The following ST3GAL2 variants were observed in gnomAD, a reference collection of about 807,000 sequenced individuals.
ST3GAL2 encodes ST3 beta-galactoside alpha-2,3-sialyltransferase 2.
ST3GAL2 carries 16 observed loss-of-function variants against 37.5 expected under a neutral mutation model. That is an observed-to-expected ratio of 0.43 (90% confidence interval 0.29 to 0.65). The LOEUF is 0.65. ST3GAL2 is among the 30% of genes least tolerant of loss of function. ST3GAL2 has a pLI of 0.17. For synonymous variants in ST3GAL2, 238 were observed against 202.9 expected, an observed-to-expected ratio of 1.17 and a Z score of -1.47; for missense variants, 383 against 487.8, an observed-to-expected ratio of 0.79 and a Z score of 2.02.
intron 2 of ST3GAL2, among the ~76,000 whole-genome samples, chr16:70,396,548 G>C (rs944063355): frequency 1.3e-5 from 2 of 152,112 alleles, no homozygotes; most frequent in Non-Finnish European, 2.9e-5. Flanking sequence ...AGGATGCAGT[G>C]AGCCAAGACT....
rs2047403720 is a variant in ST3GAL2, at chr16:70,381,476, G to A, written c.*213C>T. 3.3e-6 allele frequency: 2 copies of A among 612,708 alleles called. No homozygotes were observed. Among genetic ancestry groups the A allele is most frequent in the East Asian group, 2.9e-5 (1 of 34,600 alleles). 38.0% of individuals were successfully genotyped at this position (612,708 alleles called of 1,614,324 possible). On this transcript the variant is annotated 3_prime_UTR_variant, in exon 7 of 7. Transcript: ENST00000342907. Reference sequence around the variant, plus strand: ...GGACACAGCGCCGGAAGTTTTCCTTGAGTCACATGATTGGCTGGGAGAAAC... The same window carrying A: ...GGACACAGCGCCGGAAGTTTTCCTTAAGTCACATGATTGGCTGGGAGAAAC...
intron 1 of ST3GAL2, among the ~76,000 whole-genome samples, chr16:70,408,502 G>T (rs1390387688): frequency 6.6e-6 from 1 of 151,910 alleles, no homozygotes; most frequent in African/African-American, 2.4e-5. Context: ...TCTGAGAATG[G>T]GCCGCTTCAC....
At chr16:70,387,431 T>C (rs2047450793) in intron 4 of ST3GAL2, among the ~76,000 whole-genome samples, 1 of 152,112 alleles carries the variant, frequency 6.6e-6, no homozygotes, top group South Asian at 2.1e-4. Context: ...GACATGTGCC[T>C]GTAATCCCAG....
chr16:70,438,699 G>A (rs905502118), intron 1 of ST3GAL2, among the ~76,000 whole-genome samples: 6 of 152,270 alleles, frequency 3.9e-5, no homozygotes, highest in Non-Finnish European at 7.4e-5. Context: ...CAAAGGAGCG[G>A]AGCGGGAGCC....
intron 2 of ST3GAL2, among the ~76,000 whole-genome samples, chr16:70,396,397 G>A (rs544750851): frequency 6.6e-6 from 1 of 152,060 alleles, no homozygotes; most frequent in East Asian, 1.9e-4. Context: ...CTGCTCAGGG[G>A]ATGGGAGATT....
chr16:70,395,510 A>T (rs1025602626), intron 2 of ST3GAL2, among the ~76,000 whole-genome samples: 1 of 152,190 alleles, frequency 6.6e-6, no homozygotes, highest in African/African-American at 2.4e-5. Flanking sequence ...GCCACGGAGC[A>T]GAGCAGCCTC....
At chr16:70,424,366 C>T (rs2047736278) in intron 1 of ST3GAL2, among the ~76,000 whole-genome samples, 1 of 150,462 alleles carries the variant, frequency 6.6e-6, no homozygotes, top group African/African-American at 2.4e-5. Flanking sequence ...CTTTGGGAGG[C>T]CGAGGCAGGC....
chr16:70,383,025 C>A, intron 5 of ST3GAL2, 101 bp from the exon 6 acceptor site: 1 of 1,579,748 alleles, frequency 6.3e-7, no homozygotes, highest in Non-Finnish European at 8.6e-7. Context: ...GAGACCTGTG[C>A]GTCTGTGTCT....
intron 3 of ST3GAL2, chr16:70,393,622 TG>T: frequency 6.6e-6 from 1 of 152,392 alleles, no homozygotes; most frequent in Non-Finnish European, 1.5e-5. Context: ...CCATGGTGTC[TG>T]GGGAGGGGAG....
intron 1 of ST3GAL2, among the ~76,000 whole-genome samples, chr16:70,416,776 G>A (rs571927943): frequency 6.8e-6 from 1 of 147,126 alleles, no homozygotes; most frequent in Admixed American, 6.6e-5. Context: ...ACCAAATTGA[G>A]CAAATCTGAG....
chr16:70,424,878 A>G (rs1597575197), intron 1 of ST3GAL2, among the ~76,000 whole-genome samples: 1 of 152,272 alleles, frequency 6.6e-6, no homozygotes, highest in South Asian at 2.1e-4. Context: ...ATCTCTTTTC[A>G]AGATGCCTGC....
At chr16:70,386,251 G>A (rs964073208) in intron 4 of ST3GAL2, among the ~76,000 whole-genome samples, 5 of 150,306 alleles carry the variant, frequency 3.3e-5, no homozygotes, top group Admixed American at 6.6e-5. Flanking sequence ...GCAGTGGCGC[G>A]ATCTCGGCTC....
intron 2 of ST3GAL2, among the ~76,000 whole-genome samples, chr16:70,395,901 G>A (rs1249170542): frequency 1.3e-5 from 2 of 152,048 alleles, no homozygotes; most frequent in Non-Finnish European, 2.9e-5. Flanking sequence ...GCCCAGAAGG[G>A]CCAAAGTTTC....
chr16:70,381,964 G>A, intron 6 of ST3GAL2, 102 bp from the exon 7 acceptor site: 2 of 1,452,536 alleles, frequency 1.4e-6, no homozygotes, highest in African/African-American at 1.4e-5. Context: ...GAGGCCCCGG[G>A]GAGATGCAGG....
At chr16:70,401,994 CAAAAA>C (rs749422742) in intron 1 of ST3GAL2, among the ~76,000 whole-genome samples, 6 of 60,194 alleles carry the variant, frequency 1.0e-4, no homozygotes, top group East Asian at 4.8e-4. Context: ...AACTCTGCCT[CAAAAA>C]AAAAAAAAAA....
At chr16:70,425,199 C>T (rs1376236273) in intron 1 of ST3GAL2, among the ~76,000 whole-genome samples, 1 of 152,086 alleles carries the variant, frequency 6.6e-6, no homozygotes, top group Admixed American at 6.5e-5. Context: ...CAGCAGCTCA[C>T]GTCTGTAATT....
chr16:70,438,371 G>C lies in ST3GAL2; in HGVS notation c.-1004+578C>G, dbSNP rs2047841136. On this transcript the variant is annotated intron_variant, in intron 1 of 6. Coordinates refer to ENST00000342907, the MANE Select transcript of ST3GAL2 (RefSeq NM_006927.4). ...TCAGACCAGCCTCCACGGGACTGGCGCTTTGGCCAAGTTTCTGGCTTCAGC... is the reference window on the plus strand; with the variant it reads ...TCAGACCAGCCTCCACGGGACTGGCCCTTTGGCCAAGTTTCTGGCTTCAGC... Among the ~76,000 whole-genome samples, 5 of 152,310 alleles carry C rather than the reference G, an allele frequency of 3.3e-5. No homozygotes were observed. The South Asian group carries it at 1.0e-3, about 32-fold the overall frequency.
At chr16:70,429,638 C>CTTTTTTTTTTT (rs1027728995) in intron 1 of ST3GAL2, among the ~76,000 whole-genome samples, 5 of 90,000 alleles carry the variant, frequency 5.6e-5, no homozygotes, top group South Asian at 4.0e-4. Flanking sequence ...GCTTTAAATT[C>CTTTTTTTTTTT]TTTTTTTTTT....
intron 4 of ST3GAL2, among the ~76,000 whole-genome samples, chr16:70,387,862 C>CCCAG (rs1399019483): frequency 6.6e-6 from 1 of 152,088 alleles, no homozygotes; most frequent in African/African-American, 2.4e-5. Flanking sequence ...CACCTATAAT[C>CCCAG]CCAGCACTTT....
Sources: gnomAD v4.1 joint callset for allele counts (sites outside exome capture counted in the v4.1 genomes callset) on GRCh38, gnomAD v4.1.1 for gene constraint, MANE v1.5 for transcripts, NCBI Gene and HGNC (gene_info 2026-07-23, HGNC 2026-07-21) for gene names.